LPP: variants seen among roughly 807,000 people sequenced by gnomAD.
LPP encodes LIM domain containing preferred translocation partner in lipoma, also known as lipoma-preferred partner.
Under a neutral mutation model 60.4 loss-of-function variants are expected in LPP, and 38 were observed. That is an observed-to-expected ratio of 0.63 (90% CI 0.49 to 0.83). LPP has a LOEUF of 0.83. LPP is among the 40% of genes least tolerant of loss of function. The probability of loss-of-function intolerance (pLI) is 0.00; values close to 1 mark genes in which losing one functional copy is unlikely to be tolerated. For missense variants in LPP, 902 were observed against 783.6 expected, an observed-to-expected ratio of 1.15 and a Z score of -1.80; for synonymous variants, 328 against 290.8, an observed-to-expected ratio of 1.13 and a Z score of -1.30.
intron 7 of LPP, among the ~76,000 whole-genome samples, chr3:188,691,632 G>A (rs539233253): frequency 3.9e-5 from 6 of 152,134 alleles, no homozygotes; most frequent in East Asian, 3.9e-4. Flanking sequence ...AGATGATTGC[G>A]CCCACTTGAG....
intron 2 of LPP, among the ~76,000 whole-genome samples, chr3:188,242,772 A>G (rs2149483107): frequency 6.6e-6 from 1 of 152,352 alleles, no homozygotes; most frequent in Non-Finnish European, 1.5e-5. Flanking sequence ...CCTAAGTGAA[A>G]ATTAGCAAAC....
At chr3:188,350,289 GAC>G (rs955582189) in intron 3 of LPP, among the ~76,000 whole-genome samples, 2 of 152,160 alleles carry the variant, frequency 1.3e-5, no homozygotes, top group Admixed American at 1.3e-4. Context: ...CTTTGAGAGA[GAC>G]AGAATTTGGA....
At chr3:188,817,572 G>A (rs1210562854) in intron 9 of LPP, among the ~76,000 whole-genome samples, 2 of 152,134 alleles carry the variant, frequency 1.3e-5, no homozygotes, top group African/African-American at 2.4e-5. Flanking sequence ...CTTTCCTGAA[G>A]CATATCACAC....
At chr3:188,484,894 C>G (rs1407284732) in intron 5 of LPP, among the ~76,000 whole-genome samples, 190 bp downstream of exon 5, 1 of 152,186 alleles carries the variant, frequency 6.6e-6, no homozygotes, top group East Asian at 1.9e-4. Context: ...ACTCAAGCTT[C>G]CCAGAGTTCT....
intron 5 of LPP, among the ~76,000 whole-genome samples, chr3:188,495,064 T>TTATATATATATCTATA (rs1553913526): frequency 1.9e-5 from 1 of 53,880 alleles, no homozygotes; most frequent in Non-Finnish European, 3.3e-5. Flanking sequence ...GTTCAGGATT[T>TTATATATATATCTATA]TATATATATA....
At chr3:188,726,188 A>G (rs1243457077) in intron 8 of LPP, among the ~76,000 whole-genome samples, 1 of 152,110 alleles carries the variant, frequency 6.6e-6, no homozygotes. Context: ...GGGGATGAAG[A>G]TCAGTCTGGG....
At chr3:188,656,019 G>A (rs549644437) in intron 7 of LPP, among the ~76,000 whole-genome samples, 22 of 151,794 alleles carry the variant, frequency 1.4e-4, no homozygotes, top group African/African-American at 5.1e-4. Flanking sequence ...GTGAAACCCC[G>A]TCTCTACTAA....
intron 2 of LPP, among the ~76,000 whole-genome samples, chr3:188,255,600 A>T (rs1156587310): frequency 6.6e-6 from 1 of 152,180 alleles, no homozygotes; most frequent in African/African-American, 2.4e-5. Flanking sequence ...CTGGACTGTG[A>T]GTTCTTCTGG....
chr3:188,880,179 T>C lies in LPP; in HGVS notation c.*5700T>C, dbSNP rs759602813. 7.4e-5 allele frequency: 12 copies of C among 162,278 alleles called. No homozygotes were observed. In the East Asian group the frequency reaches 8.3e-4, roughly 11 times the overall value. 10.1% of individuals were successfully genotyped at this position (162,278 alleles called of 1,614,324 possible). A position where few individuals can be genotyped will look rare whatever the true frequency, so the allele number is the denominator to read the frequency against. ...CCGAGTAGCTGGGACTACAGGCGCC[T>C]GCCACCACGCCCGGCTAATTTTTTT... On this transcript the variant is annotated 3_prime_UTR_variant, in exon 12 of 12. Coordinates refer to ENST00000617246, the MANE Select transcript of LPP (RefSeq NM_001375462.1).
At chr3:188,705,053 C>T (rs766779017) in intron 7 of LPP, among the ~76,000 whole-genome samples, 7 of 152,098 alleles carry the variant, frequency 4.6e-5, no homozygotes, top group Admixed American at 1.3e-4. Flanking sequence ...TCCAGGATAG[C>T]GGGTCATGTC....
chr3:188,830,513 G>A (rs529713016), intron 9 of LPP, among the ~76,000 whole-genome samples: 1 of 152,020 alleles, frequency 6.6e-6, no homozygotes, highest in African/African-American at 2.4e-5. Flanking sequence ...GCTGAGGCAG[G>A]AGAATCGCTT....
intron 1 of LPP, among the ~76,000 whole-genome samples, chr3:188,208,801 T>C (rs1733964641): frequency 6.6e-6 from 1 of 152,250 alleles, no homozygotes. Context: ...GTGAGCAGCA[T>C]ATAGACATAA....
intron 7 of LPP, among the ~76,000 whole-genome samples, chr3:188,686,788 A>G (rs1333170590): frequency 6.6e-6 from 1 of 152,200 alleles, no homozygotes; most frequent in African/African-American, 2.4e-5. Flanking sequence ...TAAAACAAGC[A>G]CTCAACAAGT....
chr3:188,529,668 T>C (rs577602777), intron 6 of LPP, among the ~76,000 whole-genome samples: 1 of 152,248 alleles, frequency 6.6e-6, no homozygotes, highest in Non-Finnish European at 1.5e-5. Context: ...AATCCCTATA[T>C]TGATTTTGGA....
At chr3:188,276,695 TTCTCTC>T (rs768545804) in intron 2 of LPP, among the ~76,000 whole-genome samples, 11 of 16,414 alleles carry the variant, frequency 6.7e-4, no homozygotes, top group East Asian at 1.2e-3. Context: ...CTCTCTCTCT[TTCTCTC>T]TCTCTCTCTC....
chr3:188,762,279 G>T (rs1469623627), intron 9 of LPP, among the ~76,000 whole-genome samples: 1 of 152,122 alleles, frequency 6.6e-6, no homozygotes, highest in South Asian at 2.1e-4. Flanking sequence ...ATATAATGGG[G>T]ACGATGGCAG....
chr3:188,792,995 C>T (rs1296853758), intron 9 of LPP, among the ~76,000 whole-genome samples: 2 of 152,110 alleles, frequency 1.3e-5, no homozygotes, highest in Non-Finnish European at 2.9e-5. Context: ...GGGCCGTGCA[C>T]TGCGAGTCAG....
At chr3:188,268,170 C>T (rs554670932) in intron 2 of LPP, among the ~76,000 whole-genome samples, 9 of 152,190 alleles carry the variant, frequency 5.9e-5, no homozygotes, top group South Asian at 4.1e-4. Context: ...TTTGTGACCA[C>T]GCTTTACATT....
intron 4 of LPP, among the ~76,000 whole-genome samples, chr3:188,427,677 C>T (rs1309346196): frequency 1.3e-5 from 2 of 152,178 alleles, no homozygotes; most frequent in Non-Finnish European, 2.9e-5. Flanking sequence ...GGGCTTTGTC[C>T]TGTTCTAACT....
Sources: allele counts gnomAD v4.1 joint callset (sites outside exome capture counted in the v4.1 genomes callset), GRCh38; gene constraint gnomAD v4.1.1; transcripts MANE v1.5; gene names NCBI Gene and HGNC (gene_info 2026-07-23, HGNC 2026-07-21).